ATP11C: variants seen among roughly 807,000 people sequenced by gnomAD.
ATP11C encodes the protein phospholipid-transporting ATPase IG.
ATP11C carries 36 observed loss-of-function variants against 97.4 expected under a neutral mutation model. That is an observed-to-expected ratio of 0.37 (90% CI 0.28 to 0.49). The LOEUF (loss-of-function observed/expected upper bound fraction) is 0.49, where lower values mean the gene tolerates loss of function less well. ATP11C is among the 20% of genes least tolerant of loss of function. ATP11C has a pLI of 0.98. For synonymous variants in ATP11C, 275 were observed against 290.9 expected (o/e 0.95, Z 0.56); for missense variants, 730 against 824.6 (o/e 0.89, Z 1.40).
chrX:139,738,729 TA>T (rs1182275923), intron 27 of ATP11C, among the ~76,000 whole-genome samples: 1 of 111,237 alleles, frequency 9.0e-6, no homozygotes, highest in East Asian at 2.9e-4. Context: ...CACTTCATTG[TA>T]AAGTGGCCAT....
In ATP11C at chrX:139,733,121, T is replaced by C. The variant is rs373630461; in HGVS notation, c.3289-1366A>G. Among the ~76,000 whole-genome samples, 17 of 112,193 alleles carry C rather than the reference T, an allele frequency of 1.5e-4. No individual in the cohort carries two copies. The East Asian group carries it at 4.8e-3, about 32-fold the overall frequency. ...CTTCCTTTCTTACAACCTAATTTGA[T>C]TGGTTTCCCTGTTTTTCCTACAGAG... On this transcript the variant is annotated intron_variant, in intron 28 of 29. Transcript: ENST00000682941.
chrX:139,823,004 G>C (rs1341292152), intron 2 of ATP11C, among the ~76,000 whole-genome samples: 1 of 110,149 alleles, frequency 9.1e-6, no homozygotes, highest in East Asian at 2.9e-4. Flanking sequence ...ATCACCTGCA[G>C]TCCGGAGTTC....
At position 139,728,820 on chromosome X, in the gene ATP11C, CA is replaced by C. The variant is rs2081289990; in HGVS notation, c.*145del. The C allele has an allele frequency of 1.4e-6, 1 of 702,953 alleles. No individual in the cohort carries two copies. The highest frequency in any genetic ancestry group is 2.5e-5 in the Admixed American group (1 of 39,712). 57.9% of individuals were successfully genotyped at this position (702,953 alleles called of 1,213,427 possible). On this transcript the variant is annotated 3_prime_UTR_variant, in exon 30 of 30. Transcript: ENST00000682941. ...ATGAACATTTATTGTGAACTCTAGA[CA>C]TGAGAGTGGTTTAGTGTGTTGCGTA... is the stretch of plus-strand genomic sequence containing the variant.
At chrX:139,823,944 G>A (rs1412331315) in intron 2 of ATP11C, among the ~76,000 whole-genome samples, 4 of 109,343 alleles carry the variant, frequency 3.7e-5, no homozygotes, top group African/African-American at 1.0e-4. Context: ...GAATCTATAA[G>A]GAACTCAAAC....
intron 1 of ATP11C, among the ~76,000 whole-genome samples, chrX:139,865,571 C>T (rs2084267819): frequency 9.1e-6 from 1 of 109,962 alleles, no homozygotes. Flanking sequence ...ACCATCCTGG[C>T]CAACATGGTG....
intron 18 of ATP11C, 135 bp downstream of exon 18, chrX:139,782,412 T>C: frequency 2.6e-6 from 1 of 380,347 alleles, no homozygotes; most frequent in Non-Finnish European, 4.3e-6. Context: ...ATACTTGCTA[T>C]AATAAATAAA....
intron 1 of ATP11C, among the ~76,000 whole-genome samples, chrX:139,866,299 G>A (rs951321230): frequency 1.5e-4 from 14 of 91,098 alleles, no homozygotes; most frequent in African/African-American, 5.9e-4. Flanking sequence ...AGCCAAGGTT[G>A]CACCACTATA....
chrX:139,764,480 G>T (rs1447568724), intron 20 of ATP11C, among the ~76,000 whole-genome samples: 2 of 112,626 alleles, frequency 1.8e-5, no homozygotes, highest in African/African-American at 6.4e-5. Context: ...GTGATCAGCT[G>T]CCCTCTTACC....
At chrX:139,775,764 C>T (rs1245233058) in intron 18 of ATP11C, among the ~76,000 whole-genome samples, 5 of 112,766 alleles carry the variant, frequency 4.4e-5, no homozygotes, top group African/African-American at 1.6e-4. Context: ...GACAGAGATC[C>T]AGGTGGCCAG....
rs1249268356 is a variant in ATP11C, at chrX:139,814,994, T to C, written c.319-9A>G. On this transcript the variant is annotated splice_polypyrimidine_tract_variant and intron_variant, in intron 4 of 29. Transcript: ENST00000682941. ...AGACAATCCTCATATCCCTGAAAGA[T>C]AAAAATAACTATATAATTGAGTTCT... is the stretch of plus-strand genomic sequence containing the variant. The C allele has an allele frequency of 3.7e-5, 37 of 987,362 alleles. No homozygotes were observed. Among genetic ancestry groups the C allele is most frequent in the Non-Finnish European group, 5.0e-5 (36 of 714,842 alleles). 81.4% of individuals were successfully genotyped at this position (987,362 alleles called of 1,213,427 possible).
At chrX:139,871,655 G>C (rs1027655392) in intron 1 of ATP11C, among the ~76,000 whole-genome samples, 2 of 107,723 alleles carry the variant, frequency 1.9e-5, no homozygotes, top group Admixed American at 2.0e-4. Context: ...TGAGTAGCTG[G>C]AACTACACGT....
chrX:139,820,100 C>T (rs995009549), intron 2 of ATP11C, among the ~76,000 whole-genome samples: 2 of 110,522 alleles, frequency 1.8e-5, no homozygotes, highest in Admixed American at 9.7e-5. Context: ...ACAGGAGAAT[C>T]GCTTAAACCT....
intron 1 of ATP11C, among the ~76,000 whole-genome samples, chrX:139,862,614 G>A (rs750511113): frequency 6.3e-5 from 7 of 111,655 alleles, no homozygotes; most frequent in Non-Finnish European, 1.1e-4. Context: ...GAGTTTTTCC[G>A]AAACAAATCC....
chrX:139,821,393 C>G (rs1361539865), intron 2 of ATP11C, among the ~76,000 whole-genome samples: 1 of 111,919 alleles, frequency 8.9e-6, no homozygotes, highest in Non-Finnish European at 1.9e-5. Context: ...TAGTTCAGAC[C>G]AGCATTTTTA....
intron 5 of ATP11C, among the ~76,000 whole-genome samples, chrX:139,810,873 T>TC (rs1419318636): frequency 9.1e-6 from 1 of 110,209 alleles, no homozygotes; most frequent in African/African-American, 3.3e-5. Context: ...CAGAGTTTTT[T>TC]TTTTTTTTTT....
intron 20 of ATP11C, among the ~76,000 whole-genome samples, chrX:139,766,462 C>G (rs1436243421): frequency 8.9e-6 from 1 of 111,945 alleles, no homozygotes; most frequent in African/African-American, 3.2e-5. Context: ...CTGGTTGGAT[C>G]TGATTCCCAA....
intron 1 of ATP11C, among the ~76,000 whole-genome samples, chrX:139,885,757 C>A (rs1179935808): frequency 9.0e-6 from 1 of 111,224 alleles, no homozygotes; most frequent in Non-Finnish European, 1.9e-5. Context: ...TCTATAGGTA[C>A]AGAAAAAGTG....
chrX:139,762,291 T>G (rs1187257293), intron 21 of ATP11C, among the ~76,000 whole-genome samples, 185 bp from the exon 22 acceptor site: 1 of 112,287 alleles, frequency 8.9e-6, no homozygotes, highest in Non-Finnish European at 1.9e-5. Flanking sequence ...TAACTAAGTT[T>G]AACTGGTAAC....
At chrX:139,833,255 C>T (rs2083687614) in intron 1 of ATP11C, among the ~76,000 whole-genome samples, 1 of 112,037 alleles carries the variant, frequency 8.9e-6, no homozygotes, top group Non-Finnish European at 1.9e-5. Context: ...TTAAAAACTG[C>T]CCGAGCTGTA....
Sources: gnomAD v4.1 joint callset for allele counts (sites outside exome capture counted in the v4.1 genomes callset) on GRCh38, gnomAD v4.1.1 for gene constraint, MANE v1.5 for transcripts, NCBI Gene and HGNC (gene_info 2026-07-23, HGNC 2026-07-21) for gene names.